Variants in CISD2 observed in about 807,000 individuals in gnomAD.
CISD2 encodes the protein CDGSH iron sulfur domain 2.
CISD2 carries 1 observed loss-of-function variant against 12.9 expected under a neutral mutation model. The observed-to-expected ratio is 0.08, with a 90% CI of 0.03 to 0.37. The LOEUF (loss-of-function observed/expected upper bound fraction) is 0.37. CISD2 is among the 10% of genes least tolerant of loss of function. CISD2 has a pLI of 0.99. For synonymous variants in CISD2, 50 were observed against 60.6 expected (o/e 0.83, Z 0.81); for missense variants, 97 against 163.1 (o/e 0.59, Z 2.21).
At chr4:102,870,251 TAAC>T (rs1733398234) in intron 1 of CISD2, among the ~76,000 whole-genome samples, 1 of 152,332 alleles carries the variant, frequency 6.6e-6, no homozygotes, top group African/African-American at 2.4e-5. Context: ...ATAGAACTGA[TAAC>T]AAATTAACCA....
chr4:102,888,414 A>G lies in CISD2; in HGVS notation c.*984A>G, dbSNP rs539109037. The stretch of plus-strand genomic sequence containing the variant: ...CTCCAGTTGACCCTCCGTACACATG[A>G]GTTTCACATCCCATGCACAAATGCT... On this transcript the variant is annotated 3_prime_UTR_variant, in exon 3 of 3. Transcript: ENST00000273986. 1 of 152,304 alleles carries G rather than the reference A, an allele frequency of 6.6e-6. No homozygotes were observed. Among genetic ancestry groups the G allele is most frequent in the African/African-American group, 2.4e-5 (1 of 41,568 alleles). The allele number at this position is 152,304 out of a possible 1,614,324, so 9.4% of individuals were successfully genotyped here.
intron 1 of CISD2, among the ~76,000 whole-genome samples, chr4:102,870,378 T>C (rs572923045): frequency 7.9e-5 from 12 of 151,766 alleles, no homozygotes; most frequent in Non-Finnish European, 1.5e-4. Context: ...CTCTCAAAGA[T>C]GAAAAAAACA....
chr4:102,872,650 AT>A (rs1354726695), intron 1 of CISD2, among the ~76,000 whole-genome samples: 1 of 152,110 alleles, frequency 6.6e-6, no homozygotes, highest in Non-Finnish European at 1.5e-5. Context: ...TGTCTATGTC[AT>A]TTTTATGTCA....
Position 102,888,041 on chromosome 4 carries a change from A to G in CISD2, c.*611A>G, listed in dbSNP as rs1180393065. The G allele has an allele frequency of 1.4e-5, 2 of 144,630 alleles. No homozygotes were observed. Among genetic ancestry groups the G allele is most frequent in the African/African-American group, 5.4e-5 (2 of 37,066 alleles). 9.0% of individuals were successfully genotyped at this position (144,630 alleles called of 1,614,324 possible). ...AGTATAAAAGATTTGTTTACTTTAC[A>G]AAAGGCTTGTGTCTGTGTGTGTGTG... On this transcript the variant is annotated 3_prime_UTR_variant, in exon 3 of 3. Coordinates refer to ENST00000273986, the MANE Select transcript of CISD2 (RefSeq NM_001008388.5).
At chr4:102,875,221 T>C (rs1489682859) in intron 1 of CISD2, among the ~76,000 whole-genome samples, 2 of 152,262 alleles carry the variant, frequency 1.3e-5, no homozygotes, top group African/African-American at 4.8e-5. Flanking sequence ...CATATTCCCA[T>C]GAACTTCTGT....
chr4:102,869,408 T>A, intron 1 of CISD2: 1 of 714,564 alleles, frequency 1.4e-6, no homozygotes, highest in Non-Finnish European at 2.5e-6. Flanking sequence ...TCCTCGGAGT[T>A]GTCTCCGGTG....
rs1341995321 is a variant in CISD2, at chr4:102,869,031, C to T, written c.-54C>T. 26 of 1,532,158 alleles carry T rather than the reference C, an allele frequency of 1.7e-5. No homozygotes were observed. In the South Asian group the frequency reaches 2.8e-4, roughly 16 times the overall value. The allele number at this position is 1,532,158 out of a possible 1,614,324, so 94.9% of individuals were successfully genotyped here. On this transcript the variant is annotated 5_prime_UTR_variant, in exon 1 of 3. Transcript: ENST00000273986. ...GCTTCCGCTCCCGGCGCAGGCGCGG[C>T]AGCTTGGCCAGAGCGGAGGGGGCTC...
At chr4:102,884,901 T>C (rs1192339663) in intron 1 of CISD2, 2 of 329,192 alleles carry the variant, frequency 6.1e-6, no homozygotes, top group Non-Finnish European at 1.2e-5. Context: ...TTTATAGTTA[T>C]AGTGATCATA....
At chr4:102,876,074 C>T (rs1733585161) in intron 1 of CISD2, among the ~76,000 whole-genome samples, 1 of 152,120 alleles carries the variant, frequency 6.6e-6, no homozygotes, top group Non-Finnish European at 1.5e-5. Flanking sequence ...AGTCTGTGAT[C>T]ATCTTGTTTA....
At chr4:102,876,983 A>G (rs1437119351) in intron 1 of CISD2, among the ~76,000 whole-genome samples, 2 of 152,156 alleles carry the variant, frequency 1.3e-5, no homozygotes, top group Non-Finnish European at 1.5e-5. Flanking sequence ...CACTCCCATG[A>G]TCCAATCACC....
rs1319000947 is a variant in CISD2 at position 102,889,737 on chromosome 4, GT to G, written c.*2309del. ...AGAAGCGTAGGGTTGGTAGTAAGCT[GT>G]TGCTTTAATAACTCCTTTAAATAAG... On this transcript the variant is annotated 3_prime_UTR_variant, in exon 3 of 3. Coordinates refer to ENST00000273986, the MANE Select transcript of CISD2 (RefSeq NM_001008388.5). 2 of 152,134 alleles carry G rather than the reference GT, an allele frequency of 1.3e-5. No individual in the cohort carries two copies. The highest frequency in any genetic ancestry group is 6.5e-5 in the Admixed American group (1 of 15,276). 9.4% of individuals were successfully genotyped at this position (152,134 alleles called of 1,614,324 possible). A position where few individuals can be genotyped will look rare whatever the true frequency, so the allele number is the denominator to read the frequency against.
chr4:102,882,995 C>T (rs1733760893), intron 1 of CISD2: 1 of 152,228 alleles, frequency 6.6e-6, no homozygotes, highest in Non-Finnish European at 1.5e-5. Context: ...ATCTGCCCTC[C>T]TCAGCCTCCC....
At chr4:102,883,947 A>G (rs892729727) in intron 1 of CISD2, among the ~76,000 whole-genome samples, 2 of 152,236 alleles carry the variant, frequency 1.3e-5, no homozygotes, top group Non-Finnish European at 2.9e-5. Context: ...GCTATCTATG[A>G]AAATGGTAGA....
chr4:102,873,224 A>G (rs1578309573), intron 1 of CISD2, among the ~76,000 whole-genome samples: 1 of 152,256 alleles, frequency 6.6e-6, no homozygotes, highest in East Asian at 1.9e-4. Flanking sequence ...AGCCTGACCA[A>G]ATCAGCTATT....
intron 1 of CISD2, among the ~76,000 whole-genome samples, chr4:102,880,919 C>G (rs955701472): frequency 6.6e-6 from 1 of 150,636 alleles, no homozygotes; most frequent in Non-Finnish European, 1.5e-5. Context: ...CGCTTGAACC[C>G]GGGCAGTGGA....
intron 1 of CISD2, among the ~76,000 whole-genome samples, chr4:102,879,237 T>A (rs983581005): frequency 2.6e-5 from 4 of 152,036 alleles, no homozygotes; most frequent in African/African-American, 9.7e-5. Flanking sequence ...TATTAGTAGA[T>A]ACTTAATAAT....
Position 102,885,356 on chromosome 4 carries a change from G to A in CISD2, c.244G>A (p.Val82Ile). The change falls in exon 2 of 3, where the codon GTA becomes ATA. Residue 82 changes from valine (V) to isoleucine (I), a missense_variant. Transcript: ENST00000273986. ...NLKIQKENPK[V>I]VNEINIEDLC... The stretch of plus-strand genomic sequence containing the variant: ...TAAAATACAAAAGGAAAATCCGAAA[G>A]TAGTGAATGAAATAAACATTGAAGA... The A allele has an allele frequency of 6.2e-7, 1 of 1,614,066 alleles. No individual in the cohort carries two copies. Among genetic ancestry groups the A allele is most frequent in the Non-Finnish European group, 8.5e-7 (1 of 1,179,930 alleles).
intron 1 of CISD2, among the ~76,000 whole-genome samples, chr4:102,876,842 G>A (rs1733604022): frequency 1.3e-5 from 2 of 152,174 alleles, no homozygotes; most frequent in South Asian, 4.1e-4. Flanking sequence ...TAGGCCTTAG[G>A]AAACTTACGG....
intron 1 of CISD2, among the ~76,000 whole-genome samples, chr4:102,879,373 T>C (rs983868784): frequency 2.0e-5 from 3 of 152,044 alleles, no homozygotes; most frequent in Non-Finnish European, 4.4e-5. Flanking sequence ...AAGGGGGGGA[T>C]TGATTGGGAA....
Sources: gnomAD v4.1 joint callset for allele counts (sites outside exome capture counted in the v4.1 genomes callset) on GRCh38, gnomAD v4.1.1 for gene constraint, MANE v1.5 for transcripts, NCBI Gene and HGNC (gene_info 2026-07-23, HGNC 2026-07-21) for gene names.